Variants in NUDT7 observed in about 807,000 individuals in gnomAD.
NUDT7 encodes peroxisomal coenzyme A diphosphatase NUDT7.
A neutral mutation model predicts 13.1 loss-of-function variants in NUDT7; 19 were observed. The ratio of observed to expected loss-of-function variants is 1.45; its 90% confidence interval spans 1.01 to 2.13. The LOEUF is 2.13. Ranked by LOEUF, NUDT7 falls within the 30% of genes most tolerant of loss-of-function variation. NUDT7 has a pLI of 0.00. For missense variants in NUDT7, 360 were observed against 291.7 expected (o/e 1.23, Z -1.71); for synonymous variants, 132 against 109.7 (o/e 1.20, Z -1.27).
chr16:77,740,198 G>T (rs1271809259), intron 3 of NUDT7, among the ~76,000 whole-genome samples: 2 of 152,108 alleles, frequency 1.3e-5, no homozygotes, highest in Non-Finnish European at 1.5e-5. Flanking sequence ...TGTTCCTCTT[G>T]TCTCCTCCTG....
chr16:77,724,764 G>C (rs1175994396), intron 1 of NUDT7, among the ~76,000 whole-genome samples: 1 of 152,250 alleles, frequency 6.6e-6, no homozygotes, highest in Non-Finnish European at 1.5e-5. Flanking sequence ...ACCAAAACAA[G>C]TCCACATAGG....
chr16:77,726,784 G>T (rs2014150466), intron 2 of NUDT7, among the ~76,000 whole-genome samples: 1 of 152,050 alleles, frequency 6.6e-6, no homozygotes, highest in Non-Finnish European at 1.5e-5. Flanking sequence ...GGAACAGCGA[G>T]ACTCCATCTC....
At chr16:77,729,345 C>G (rs1190062888) in intron 2 of NUDT7, among the ~76,000 whole-genome samples, 1 of 152,056 alleles carries the variant, frequency 6.6e-6, no homozygotes, top group Non-Finnish European at 1.5e-5. Context: ...ATGACTAAAT[C>G]TAGCTAATTA....
At chr16:77,736,122 A>G in intron 3 of NUDT7, 136 bp downstream of exon 3, 1 of 802,566 alleles carries the variant, frequency 1.2e-6, no homozygotes, top group South Asian at 1.9e-5. Flanking sequence ...TCTCCTACAG[A>G]CATTGCCCCT....
At position 77,735,735 on chromosome 16, in the gene NUDT7, G is replaced by C. The variant is rs57039619; in HGVS notation, c.190-93G>C. On this transcript the variant is annotated intron_variant, in intron 2 of 3. Coordinates refer to ENST00000268533, the MANE Select transcript of NUDT7 (RefSeq NM_001105663.3). The stretch of plus-strand genomic sequence containing the variant: ...ACCACCTGGGTAAGAATGGTCTCTG[G>C]TACAAAATAGAAGTCCAGTAAGTAT... 5.2e-3 allele frequency: 6,197 copies of C among 1,186,790 alleles called. 224 individuals carry two copies. In the African/African-American group the frequency reaches 0.081, roughly 16 times the overall value. 73.5% of individuals were successfully genotyped at this position (1,186,790 alleles called of 1,614,324 possible). A position where few individuals can be genotyped will look rare whatever the true frequency, so the allele number is the denominator to read the frequency against.
rs145507930 is a variant in NUDT7, at chr16:77,732,480, C to G, written c.190-3348C>G. On this transcript the variant is annotated intron_variant, in intron 2 of 3. Transcript: ENST00000268533. Reference sequence around the variant, plus strand: ...TGACTCACACAGAGCAGCTTTCAGTCCTGCAAGCTCCATTTATGGTAAATG... The same window carrying G: ...TGACTCACACAGAGCAGCTTTCAGTGCTGCAAGCTCCATTTATGGTAAATG... 2.6e-3 allele frequency among the ~76,000 whole-genome samples: 398 copies of G among 152,290 alleles called. 2 individuals carry two copies. The highest frequency in any genetic ancestry group is 4.2e-3 in the Non-Finnish European group (288 of 68,030).
chr16:77,727,534 G>A (rs11864559), intron 2 of NUDT7, among the ~76,000 whole-genome samples: 8,832 of 152,252 alleles, frequency 0.058, 887 homozygotes, highest in African/African-American at 0.2. Flanking sequence ...ATAAGCACAG[G>A]AGAAGCACTT....
rs745770902 is a variant in NUDT7, at chr16:77,722,597, T to G, written c.15T>G (p.Gly5=). The change falls in exon 1 of 4, where the codon GGT becomes GGG. Residue 5 remains glycine (G), a synonymous_variant. Coordinates refer to ENST00000268533, the MANE Select transcript of NUDT7 (RefSeq NM_001105663.3). The part of the protein sequence containing the change: MSRL[G]LPEEPVRNSL... ...TCCCCAGGGCAATGTCACGACTTGG[T>G]CTTCCCGAGGAGCCAGTCAGGTAAA... The G allele has an allele frequency of 6.3e-7, 1 of 1,593,938 alleles. No homozygotes were observed. The highest frequency in any genetic ancestry group is 8.5e-7 in the Non-Finnish European group (1 of 1,169,764).
intron 1 of NUDT7, among the ~76,000 whole-genome samples, chr16:77,725,084 T>G (rs1251892330): frequency 6.6e-6 from 1 of 152,216 alleles, no homozygotes; most frequent in Non-Finnish European, 1.5e-5. Flanking sequence ...CTTCTAACCT[T>G]CTAACCTTAA....
intron 1 of NUDT7, 102 bp downstream of exon 1, chr16:77,722,719 C>A (rs2013997502): frequency 2.8e-6 from 3 of 1,079,934 alleles, no homozygotes; most frequent in Non-Finnish European, 4.1e-6. Context: ...TTTTGCAGCT[C>A]CCGCCAGTCC....
chr16:77,740,557 T>C (rs931625070), intron 3 of NUDT7, among the ~76,000 whole-genome samples: 5 of 152,178 alleles, frequency 3.3e-5, no homozygotes, highest in Non-Finnish European at 7.4e-5. Flanking sequence ...TTTATTTTTA[T>C]TTTTGAGACT....
At position 77,722,604 on chromosome 16, in the gene NUDT7, G is replaced by C. The variant is rs182579196; in HGVS notation, c.22G>C (p.Glu8Gln). The change falls in exon 1 of 4, where the codon GAG (glutamate) becomes CAG (glutamine). Residue 8 changes from glutamate (E) to glutamine (Q), a missense_variant. Glu to Gln is a conservative substitution (Grantham distance 29). Coordinates refer to ENST00000268533, the MANE Select transcript of NUDT7 (RefSeq NM_001105663.3). MSRLGLP[E>Q]EPVRNSLLDD... ...GGCAATGTCACGACTTGGTCTTCCCGAGGAGCCAGTCAGGTAAAGGCTTTC... is the reference window on the plus strand; with the variant it reads ...GGCAATGTCACGACTTGGTCTTCCCCAGGAGCCAGTCAGGTAAAGGCTTTC... 2 of 1,594,232 alleles carry C rather than the reference G, an allele frequency of 1.3e-6. No homozygotes were observed. Among genetic ancestry groups the C allele is most frequent in the East Asian group, 2.3e-5 (1 of 43,960 alleles).
At position 77,722,518 on chromosome 16, in the gene NUDT7, TGCGCAA is replaced by T. The variant is rs1235545782; in HGVS notation, c.-60_-55del. The T allele has an allele frequency of 6.8e-7, 1 of 1,467,292 alleles. No individual in the cohort carries two copies. The highest frequency in any genetic ancestry group is 1.4e-5 in the African/African-American group (1 of 71,136). The allele number at this position is 1,467,292 out of a possible 1,614,324, so 90.9% of individuals were successfully genotyped here. ...GCCGCTCCCAAGCCCAGAGCTGCTCTGCGCAAGCGCGACCGACCGAGCAGCTCCGAG... is the reference window on the plus strand; with the variant it reads ...GCCGCTCCCAAGCCCAGAGCTGCTCTGCGCGACCGACCGAGCAGCTCCGAG... On this transcript the variant is annotated 5_prime_UTR_variant, in exon 1 of 4. Coordinates refer to ENST00000268533, the MANE Select transcript of NUDT7 (RefSeq NM_001105663.3).
intron 2 of NUDT7, among the ~76,000 whole-genome samples, chr16:77,727,646 G>C (rs1242139102): frequency 6.6e-6 from 1 of 152,256 alleles, no homozygotes; most frequent in Non-Finnish European, 1.5e-5. Flanking sequence ...CCTGAGGTCA[G>C]GAGTTCGAGA....
chr16:77,734,654 C>T (rs1433620025), intron 2 of NUDT7, among the ~76,000 whole-genome samples: 2 of 151,966 alleles, frequency 1.3e-5, no homozygotes, highest in Non-Finnish European at 2.9e-5. Context: ...CTTACCTGCC[C>T]ATCAATGCAT....
At position 77,725,600 on chromosome 16, in the gene NUDT7, A is replaced by C. The variant is rs752617127; in HGVS notation, c.189+16A>C. The C allele has an allele frequency of 1.2e-6, 2 of 1,612,516 alleles. No individual in the cohort carries two copies. Among genetic ancestry groups the C allele is most frequent in the South Asian group, 2.2e-5 (2 of 90,664 alleles). Reference sequence around the variant, plus strand: ...GTCAGAGAAGGTAGGTGGACAAAAAATTTCCTGCCCTTAAACCTCAGGACA... The same window carrying C: ...GTCAGAGAAGGTAGGTGGACAAAAACTTTCCTGCCCTTAAACCTCAGGACA... On this transcript the variant is annotated intron_variant, in intron 2 of 3. Transcript: ENST00000268533.
At chr16:77,734,332 A>G (rs1178274031) in intron 2 of NUDT7, among the ~76,000 whole-genome samples, 1 of 152,164 alleles carries the variant, frequency 6.6e-6, no homozygotes, top group Non-Finnish European at 1.5e-5. Flanking sequence ...ATAGTATAAG[A>G]GTAGCTTATG....
chr16:77,735,231 G>T (rs117896116), intron 2 of NUDT7, among the ~76,000 whole-genome samples: 1 of 151,984 alleles, frequency 6.6e-6, no homozygotes, highest in African/African-American at 2.4e-5. Context: ...ATGTTCAGTC[G>T]TAAACCCCAA....
rs948909896 is a variant in NUDT7 at position 77,730,462 on chromosome 16, A to G, written c.189+4878A>G. On this transcript the variant is annotated intron_variant, in intron 2 of 3. Coordinates refer to ENST00000268533, the MANE Select transcript of NUDT7 (RefSeq NM_001105663.3). ...AAATGACAGGATTTCCTTCTTTTTT[A>G]TGACTGAATAATATTCCTCTCTGTA... Among the ~76,000 whole-genome samples, 13 of 152,008 alleles carry G rather than the reference A, an allele frequency of 8.6e-5. 1 individual carries two copies. The highest frequency in any genetic ancestry group is 8.5e-4 in the Admixed American group (13 of 15,246).
Sources: allele counts gnomAD v4.1 joint callset (sites outside exome capture counted in the v4.1 genomes callset), GRCh38; gene constraint gnomAD v4.1.1; transcripts MANE v1.5; gene names NCBI Gene and HGNC (gene_info 2026-07-23, HGNC 2026-07-21).